Variants in RARB observed in about 807,000 individuals in gnomAD.
RARB encodes HBV-activated protein.
RARB carries 17 observed loss-of-function variants against 51.9 expected under a neutral mutation model. That is an observed-to-expected ratio of 0.33 (90% CI 0.22 to 0.49). The LOEUF (loss-of-function observed/expected upper bound fraction) is 0.49. Among genes scored for constraint, RARB ranks in the 20% least tolerant of loss-of-function variants. RARB has a pLI of 0.99. For synonymous variants in RARB, 215 were observed against 195.4 expected (o/e 1.10, Z -0.84); for missense variants, 369 against 550.8 (o/e 0.67, Z 3.30).
intron 1 of RARB, among the ~76,000 whole-genome samples, chr3:24,847,652 C>T (rs1459000927): frequency 6.6e-6 from 1 of 152,234 alleles, no homozygotes; most frequent in Non-Finnish European, 1.5e-5. Context: ...GTTTCTCACA[C>T]TGCATGGGAC....
intron 2 of RARB, among the ~76,000 whole-genome samples, chr3:24,872,587 G>A (rs1702967462): frequency 6.6e-6 from 1 of 152,112 alleles, no homozygotes; most frequent in Admixed American, 6.5e-5. Context: ...CATGCTGAAA[G>A]AGCCAGCAAG....
At chr3:24,915,085 G>A (rs556367639) in intron 2 of RARB, among the ~76,000 whole-genome samples, 7 of 152,288 alleles carry the variant, frequency 4.6e-5, no homozygotes, top group African/African-American at 1.2e-4. Flanking sequence ...GTGGGGAGAG[G>A]ACCACTCTTT....
chr3:25,235,441 A>G (rs1412380633), intron 5 of RARB, among the ~76,000 whole-genome samples: 1 of 152,162 alleles, frequency 6.6e-6, no homozygotes. Flanking sequence ...AAACCATAAA[A>G]AAAAGTATCT....
At chr3:24,942,917 G>A (rs1324197600) in intron 2 of RARB, among the ~76,000 whole-genome samples, 2 of 152,010 alleles carry the variant, frequency 1.3e-5, no homozygotes. Flanking sequence ...CATTTTAAAA[G>A]TATTAATAAA....
chr3:25,168,058 C>T (rs374373987), intron 4 of RARB, among the ~76,000 whole-genome samples: 2 of 152,102 alleles, frequency 1.3e-5, no homozygotes, highest in Admixed American at 1.3e-4. Context: ...CAATAAACTT[C>T]CTCTTTATAA....
intron 5 of RARB, among the ~76,000 whole-genome samples, chr3:25,404,135 A>G (rs1250941073): frequency 6.6e-6 from 1 of 152,152 alleles, no homozygotes; most frequent in Non-Finnish European, 1.5e-5. Flanking sequence ...GGGAGGAGTG[A>G]TATTTGTCAA....
At chr3:24,851,332 T>C (rs1702552496) in intron 1 of RARB, among the ~76,000 whole-genome samples, 1 of 151,012 alleles carries the variant, frequency 6.6e-6, no homozygotes, top group Non-Finnish European at 1.5e-5. Context: ...GAGGCTGTAG[T>C]GGGAGAATGG....
chr3:25,070,538 AC>A (rs11347820), intron 3 of RARB, among the ~76,000 whole-genome samples: 103,186 of 151,938 alleles, frequency 0.68, 35,527 homozygotes, highest in Non-Finnish European at 0.73. Flanking sequence ...AAGACCCCCC[AC>A]CCATTGTTTA....
intron 5 of RARB, among the ~76,000 whole-genome samples, chr3:25,288,461 C>T (rs770036766): frequency 6.6e-5 from 10 of 152,114 alleles, no homozygotes; most frequent in Non-Finnish European, 1.5e-4. Flanking sequence ...TTCTTTGGTG[C>T]AGAACGTTCT....
chr3:25,542,858 A>G (rs1175734003), intron 3 of RARB, among the ~76,000 whole-genome samples: 1 of 152,200 alleles, frequency 6.6e-6, no homozygotes, highest in Non-Finnish European at 1.5e-5. Context: ...AACTCTGTGA[A>G]GTGTTTAGTA....
chr3:25,060,048 C>T (rs1011115250), intron 2 of RARB: 5 of 151,634 alleles, frequency 3.3e-5, no homozygotes, highest in Admixed American at 6.6e-5. Flanking sequence ...ATTGAATAGC[C>T]GTGTTAAATA....
chr3:25,216,558 G>T (rs552430062), intron 5 of RARB, among the ~76,000 whole-genome samples: 9 of 149,292 alleles, frequency 6.0e-5, no homozygotes, highest in African/African-American at 2.0e-4. Context: ...ACACAAAGGG[G>T]AACAACACAC....
At chr3:25,337,467 C>T (rs985290561) in intron 5 of RARB, among the ~76,000 whole-genome samples, 6 of 152,152 alleles carry the variant, frequency 3.9e-5, no homozygotes, top group African/African-American at 1.4e-4. Flanking sequence ...TACATTTAGC[C>T]TCACTTTCTA....
intron 5 of RARB, among the ~76,000 whole-genome samples, chr3:25,414,549 C>T (rs1707651078): frequency 6.6e-6 from 1 of 152,152 alleles, no homozygotes; most frequent in Non-Finnish European, 1.5e-5. Flanking sequence ...TATAGTTTCT[C>T]CACAATCACA....
chr3:25,234,564 G>T (rs551581225), intron 5 of RARB, among the ~76,000 whole-genome samples: 1 of 151,976 alleles, frequency 6.6e-6, no homozygotes, highest in South Asian at 2.1e-4. Flanking sequence ...TCTATTCCAT[G>T]CTTGGGGGTG....
At chr3:24,910,971 C>T (rs1220889424) in intron 2 of RARB, among the ~76,000 whole-genome samples, 1 of 152,210 alleles carries the variant, frequency 6.6e-6, no homozygotes, top group Non-Finnish European at 1.5e-5. Context: ...AGTTCTTTAA[C>T]AGCTCAAGTT....
At chr3:25,015,811 A>C (rs1697496125) in intron 2 of RARB, among the ~76,000 whole-genome samples, 1 of 152,220 alleles carries the variant, frequency 6.6e-6, no homozygotes, top group Admixed American at 6.5e-5. Context: ...TCAATGGACA[A>C]GCACATAGTG....
intron 1 of RARB, among the ~76,000 whole-genome samples, chr3:25,460,428 T>TTTATTTA (rs369452418): frequency 2.1e-5 from 3 of 145,582 alleles, no homozygotes; most frequent in Non-Finnish European, 4.5e-5. Flanking sequence ...ATTTTAAAAT[T>TTTATTTA]TTTATTTATT....
chr3:25,245,895 T>C (rs1435339114), intron 5 of RARB, among the ~76,000 whole-genome samples: 1 of 152,200 alleles, frequency 6.6e-6, no homozygotes. Flanking sequence ...TTCTCCTGGA[T>C]AATATCCTGA....
Sources: gnomAD v4.1 joint callset for allele counts (sites outside exome capture counted in the v4.1 genomes callset) on GRCh38, gnomAD v4.1.1 for gene constraint, MANE v1.5 for transcripts, NCBI Gene and HGNC (gene_info 2026-07-23, HGNC 2026-07-21) for gene names.